Variants in SCHIP1 observed in about 807,000 individuals in gnomAD.
The protein encoded by SCHIP1 is schwannomin interacting protein 1.
SCHIP1 carries 8 observed loss-of-function variants against 29.7 expected under a neutral mutation model. The ratio of observed to expected loss-of-function variants is 0.27; its 90% CI spans 0.16 to 0.49. The LOEUF (loss-of-function observed/expected upper bound fraction) is 0.49. SCHIP1 is among the 20% of genes least tolerant of loss of function. The pLI, the probability that SCHIP1 is intolerant of heterozygous loss-of-function variation, is 0.99. For missense variants in SCHIP1, 193 were observed against 294.6 expected (o/e 0.66, Z 2.52); for synonymous variants, 76 against 94.9 (o/e 0.80, Z 1.16).
the SCHIP1 span, among the ~76,000 whole-genome samples, chr3:159,572,123 T>G: frequency 1.3e-5 from 2 of 152,134 alleles, no homozygotes; most frequent in Non-Finnish European, 2.9e-5. Flanking sequence ...TCTCTGTCTC[T>G]TTCAGTTCTG....
the SCHIP1 span, among the ~76,000 whole-genome samples, chr3:159,642,444 T>G: frequency 6.6e-6 from 1 of 151,946 alleles, no homozygotes; most frequent in Non-Finnish European, 1.5e-5. Flanking sequence ...ACCCAATATG[T>G]GAAGACTTCA....
the SCHIP1 span, among the ~76,000 whole-genome samples, chr3:159,340,671 C>T: frequency 3.9e-5 from 6 of 152,020 alleles, no homozygotes; most frequent in Admixed American, 6.6e-5. Context: ...CAGTTATTTT[C>T]ACCTCTCTCT....
chr3:159,720,852 TG>T, the SCHIP1 span, among the ~76,000 whole-genome samples: 1 of 152,214 alleles, frequency 6.6e-6, no homozygotes, highest in African/African-American at 2.4e-5. Flanking sequence ...AGCAAAGTGC[TG>T]GGATTACAGG....
the SCHIP1 span, chr3:159,282,880 C>G: frequency 6.6e-6 from 1 of 151,988 alleles, no homozygotes; most frequent in Non-Finnish European, 1.5e-5. Context: ...TAATATCTAG[C>G]AGGGAATTCT....
chr3:159,620,339 A>G, the SCHIP1 span, among the ~76,000 whole-genome samples: 1 of 152,320 alleles, frequency 6.6e-6, no homozygotes, highest in East Asian at 1.9e-4. Flanking sequence ...GGAAAATGGG[A>G]AACAGGATAA....
At chr3:159,809,401 G>A in the SCHIP1 span, among the ~76,000 whole-genome samples, 34 of 152,132 alleles carry the variant, frequency 2.2e-4, no homozygotes, top group Non-Finnish European at 4.1e-4. Flanking sequence ...TGGACATTTG[G>A]GTTGGTTCCA....
the SCHIP1 span, among the ~76,000 whole-genome samples, chr3:159,596,982 T>TAA: frequency 2.1e-5 from 3 of 141,434 alleles, no homozygotes; most frequent in African/African-American, 7.7e-5. Flanking sequence ...AAAGCATCTT[T>TAA]AAAAAAAAAA....
chr3:159,770,065 G>A, the SCHIP1 span, among the ~76,000 whole-genome samples: 2 of 152,178 alleles, frequency 1.3e-5, no homozygotes, highest in Admixed American at 6.5e-5. Context: ...GTGGATTTTT[G>A]TGTGGCTTCT....
At chr3:159,736,784 A>G in the SCHIP1 span, among the ~76,000 whole-genome samples, 671 of 150,500 alleles carry the variant, frequency 4.5e-3, 5 homozygotes, top group African/African-American at 0.015. Context: ...GCCCAGGCTG[A>G]AGTGCAGTGG....
chr3:159,823,284 G>C, the SCHIP1 span, among the ~76,000 whole-genome samples: 2 of 152,222 alleles, frequency 1.3e-5, no homozygotes, highest in African/African-American at 2.4e-5. Context: ...TGGACTGACA[G>C]CAATGGGCGG....
chr3:159,753,164 A>G, the SCHIP1 span, among the ~76,000 whole-genome samples: 1 of 152,104 alleles, frequency 6.6e-6, no homozygotes, highest in Non-Finnish European at 1.5e-5. Flanking sequence ...CTCACTCCAT[A>G]TTTGTCTCAA....
the SCHIP1 span, among the ~76,000 whole-genome samples, chr3:159,378,437 T>TTTG: frequency 1.3e-5 from 2 of 152,196 alleles, no homozygotes; most frequent in African/African-American, 4.8e-5. Context: ...GGTGGTTGTT[T>TTTG]TTGTTGATGT....
At chr3:159,596,854 G>A in the SCHIP1 span, among the ~76,000 whole-genome samples, 36 of 151,848 alleles carry the variant, frequency 2.4e-4, no homozygotes, top group African/African-American at 7.5e-4. Context: ...TGTAAATGAC[G>A]AGTTAACAGG....
At chr3:159,384,323 T>A in the SCHIP1 span, among the ~76,000 whole-genome samples, 4 of 150,434 alleles carry the variant, frequency 2.7e-5, no homozygotes, top group Admixed American at 6.7e-5. Flanking sequence ...CATGAAGCGT[T>A]GTTGAATTTT....
the SCHIP1 span, among the ~76,000 whole-genome samples, chr3:159,703,782 A>G: frequency 6.6e-6 from 1 of 152,198 alleles, no homozygotes; most frequent in Non-Finnish European, 1.5e-5. Flanking sequence ...CTATATTTGG[A>G]CAAAAGTCAT....
At chr3:159,388,697 C>G in the SCHIP1 span, among the ~76,000 whole-genome samples, 1 of 152,066 alleles carries the variant, frequency 6.6e-6, no homozygotes, top group Non-Finnish European at 1.5e-5. Flanking sequence ...TTAAAGTGTT[C>G]TGTAGTTTTG....
At chr3:159,677,730 T>C in the SCHIP1 span, among the ~76,000 whole-genome samples, 3 of 152,214 alleles carry the variant, frequency 2.0e-5, no homozygotes, top group Admixed American at 6.5e-5. Flanking sequence ...CCTTTTTTTC[T>C]ACTATCACCT....
the SCHIP1 span, among the ~76,000 whole-genome samples, chr3:159,492,592 G>A: frequency 1.3e-5 from 2 of 152,174 alleles, no homozygotes; most frequent in African/African-American, 2.4e-5. Context: ...CAAGAAATAT[G>A]GGACTATTTG....
At chr3:159,302,742 G>T in the SCHIP1 span, among the ~76,000 whole-genome samples, 1 of 152,164 alleles carries the variant, frequency 6.6e-6, no homozygotes, top group Non-Finnish European at 1.5e-5. Context: ...GTAAAACATT[G>T]TCTTAGGAAT....
Sources: gnomAD v4.1 joint callset for allele counts (sites outside exome capture counted in the v4.1 genomes callset) on GRCh38, gnomAD v4.1.1 for gene constraint, MANE v1.5 for transcripts, NCBI Gene and HGNC (gene_info 2026-07-23, HGNC 2026-07-21) for gene names.